The following CDC23 variants were observed in gnomAD, a reference collection of about 807,000 sequenced individuals.
The protein encoded by CDC23 is cell division cycle 23.
A neutral mutation model predicts 81.7 loss-of-function variants in CDC23; 26 were observed. That is an observed-to-expected ratio of 0.32 (90% CI 0.23 to 0.44). The LOEUF (loss-of-function observed/expected upper bound fraction) is 0.44, where lower values mean the gene tolerates loss of function less well. Among genes scored for constraint, CDC23 ranks in the 20% least tolerant of loss-of-function variants. CDC23 has a pLI of 1.00. For synonymous variants in CDC23, 267 were observed against 270.8 expected (o/e 0.99, Z 0.14); for missense variants, 519 against 728.0 (o/e 0.71, Z 3.30).
At chr5:138,212,841 A>T in intron 2 of CDC23, 150 bp downstream of exon 2, 1 of 632,500 alleles carries the variant, frequency 1.6e-6, no homozygotes, top group Non-Finnish European at 2.8e-6. Flanking sequence ...GGATAAAATC[A>T]TTTAAAACAC....
At chr5:138,200,509 A>G (rs1466418461) in intron 6 of CDC23, among the ~76,000 whole-genome samples, 1 of 152,092 alleles carries the variant, frequency 6.6e-6, no homozygotes, top group Non-Finnish European at 1.5e-5. Context: ...AAACTACAAC[A>G]ATATTCAGTC....
At chr5:138,189,267 T>C in intron 15 of CDC23, 119 bp from the exon 16 acceptor site, 1 of 955,094 alleles carries the variant, frequency 1.0e-6, no homozygotes, top group Middle Eastern at 2.2e-4. Flanking sequence ...TGCTTGTTTT[T>C]TTTTTTTGAG....
Position 138,206,624 on chromosome 5 carries a change from A to G in CDC23, c.295T>C (p.Tyr99His). The change falls in exon 3 of 16, where the codon TAT (tyrosine) becomes CAT (histidine). Residue 99 changes from tyrosine to histidine, a missense_variant. By Grantham distance (83) the Tyr-to-His change is moderately conservative (BLOSUM62 2). Transcript: ENST00000394886. ...TGCAGGAAATGTGCTGCCCGATCAT[A>G]CTCTTTAACGTCAAAGTAGGCCTTG... ...LAKAYFDVKE[Y>H]DRAAHFLHGC... 6.2e-7 allele frequency: 1 copy of G among 1,613,946 alleles called. No individual in the cohort carries two copies. The highest frequency in any genetic ancestry group is 8.5e-7 in the Non-Finnish European group (1 of 1,179,942).
intron 13 of CDC23, 43 bp from the exon 14 acceptor site, chr5:138,189,949 G>A: frequency 6.4e-7 from 1 of 1,557,572 alleles, no homozygotes; most frequent in Non-Finnish European, 8.8e-7. Context: ...ATATCCCAAA[G>A]CAACTTAGTG....
chr5:138,195,065 T>A (rs1019805479), intron 9 of CDC23, among the ~76,000 whole-genome samples: 32 of 151,920 alleles, frequency 2.1e-4, no homozygotes, highest in East Asian at 3.9e-4. Flanking sequence ...ATATTTTTTT[T>A]AAAAAGAATG....
rs560303320 is a variant in CDC23, at chr5:138,205,036, T to G, written c.372+1511A>C. ...CTCAAGCGATCCTCCTATCTCAGCC[T>G]CCCAAGTAGCTGGGGCCACAGGCAC... On this transcript the variant is annotated intron_variant, in intron 3 of 15. Transcript: ENST00000394886. Among the ~76,000 whole-genome samples the G allele has an allele frequency of 2.6e-4, 39 of 152,024 alleles. 1 individual carries two copies. Among genetic ancestry groups the G allele is most frequent in the Admixed American group, 1.8e-3 (27 of 15,242 alleles).
rs551237855 is a variant in CDC23, at chr5:138,211,556, G to A, written c.234+1435C>T. Among the ~76,000 whole-genome samples the A allele has an allele frequency of 2.0e-5, 3 of 152,160 alleles. No individual in the cohort carries two copies. The South Asian group carries it at 6.2e-4, about 32-fold the overall frequency. ...CGGGTGCCTGTAATCCGAGCTACTC[G>A]GGAGGTTGAGGCAGGAGAATTGCTT... On this transcript the variant is annotated intron_variant, in intron 2 of 15. Coordinates refer to ENST00000394886, the MANE Select transcript of CDC23 (RefSeq NM_004661.4).
At chr5:138,204,074 AATG>A (rs1755020357) in intron 3 of CDC23, among the ~76,000 whole-genome samples, 1 of 152,246 alleles carries the variant, frequency 6.6e-6, no homozygotes. Context: ...TGGGGTAAAG[AATG>A]ATGATATCTG....
intron 2 of CDC23, among the ~76,000 whole-genome samples, chr5:138,207,183 T>C (rs761847372): frequency 6.6e-6 from 1 of 152,074 alleles, no homozygotes; most frequent in Non-Finnish European, 1.5e-5. Flanking sequence ...CCCGGCCAAG[T>C]TTTTCTTTCT....
At chr5:138,190,391 G>A (rs1754812978) in intron 13 of CDC23, among the ~76,000 whole-genome samples, 1 of 151,600 alleles carries the variant, frequency 6.6e-6, no homozygotes, top group Admixed American at 6.6e-5. Flanking sequence ...TTGGAAGGTG[G>A]AGGTTGCAGT....
Position 138,189,815 on chromosome 5 carries a change from G to C in CDC23, c.1503+13C>G. 1 of 1,613,848 alleles carries C rather than the reference G, an allele frequency of 6.2e-7. No individual in the cohort carries two copies. The highest frequency in any genetic ancestry group is 8.5e-7 in the Non-Finnish European group (1 of 1,179,842). ...TAATATCAGCAGTACAATTCTCATG[G>C]TATGATACATACCCCACAGGAATAG... is the stretch of plus-strand genomic sequence containing the variant. On this transcript the variant is annotated intron_variant, in intron 14 of 15. Coordinates refer to ENST00000394886, the MANE Select transcript of CDC23 (RefSeq NM_004661.4).
intron 9 of CDC23, among the ~76,000 whole-genome samples, chr5:138,196,427 A>G (rs192551126): frequency 8.5e-4 from 128 of 151,002 alleles, no homozygotes; most frequent in Admixed American, 1.6e-3. Context: ...AGTAGCTGGG[A>G]TTACAGGTGC....
chr5:138,198,801 G>C lies in CDC23; in HGVS notation c.655-19C>G. The C allele has an allele frequency of 6.2e-7, 1 of 1,609,772 alleles. No individual in the cohort carries two copies. The highest frequency in any genetic ancestry group is 1.1e-5 in the South Asian group (1 of 90,186). On this transcript the variant is annotated intron_variant, in intron 6 of 15. Coordinates refer to ENST00000394886, the MANE Select transcript of CDC23 (RefSeq NM_004661.4). Reference sequence around the variant, plus strand: ...ACTTCAGCTGGCAGCAGGAGAGAGAGGGACACACTTAATATAACTTGACCT... The same window carrying C: ...ACTTCAGCTGGCAGCAGGAGAGAGACGGACACACTTAATATAACTTGACCT...
In CDC23 at chr5:138,192,334, C is replaced by T; in HGVS notation, c.1221G>A (p.Gln407=). 1 of 1,614,164 alleles carries T rather than the reference C, an allele frequency of 6.2e-7. No homozygotes were observed. The highest frequency in any genetic ancestry group is 1.1e-5 in the South Asian group (1 of 91,082). Residue 407 remains glutamine (Q), a synonymous_variant, in exon 11 of 16, where the codon CAG becomes CAA. Coordinates refer to ENST00000394886, the MANE Select transcript of CDC23 (RefSeq NM_004661.4). The part of the protein sequence containing the change: ...RDYRAWYGLG[Q]TYEILKMPFY... ...ATGGCATCTTAAGGATTTCATAGGT[C>T]TGCCCGAGGCCATACCAAGCTCTGT...
rs879009527 is a variant in CDC23 at position 138,188,699 on chromosome 5, CA to C, written c.*278del. ...CTATAAAAGGGACTTTCTTGGGGGC[CA>C]AAAAAAAAAAGCATTCAGGGAAGAA... On this transcript the variant is annotated 3_prime_UTR_variant, in exon 16 of 16. Coordinates refer to ENST00000394886, the MANE Select transcript of CDC23 (RefSeq NM_004661.4). 16,167 of 211,674 alleles carry C rather than the reference CA, an allele frequency of 0.076. 8 individuals carry two copies. Among genetic ancestry groups the C allele is most frequent in the Middle Eastern group, 0.13 (86 of 682 alleles). The allele number at this position is 211,674 out of a possible 1,614,324, so 13.1% of individuals were successfully genotyped here.
rs1434479795 is a variant in CDC23 at position 138,198,234 on chromosome 5, A to G, written c.977T>C (p.Ile326Thr). The G allele has an allele frequency of 9.3e-6, 15 of 1,613,684 alleles. No individual in the cohort carries two copies. Among genetic ancestry groups the G allele is most frequent in the East Asian group, 2.2e-5 (1 of 44,890 alleles). ...GCACGTTTCTACACGATATTTATCA[A>G]TCTCACAGAGGTTATGAGCCAGATA... ...LSYLAHNLCE[I>T]DKYRVETCCV... The change falls in exon 9 of 16, where the codon ATT (isoleucine) becomes ACT (threonine). Residue 326 changes from isoleucine to threonine, a missense_variant. This residue lies in a region of CDC23 where 175 missense variants were observed against 337.8 expected (regional missense o/e 0.52). Transcript: ENST00000394886.
chr5:138,195,713 AATATATATGTAT>A (rs1754888888), intron 9 of CDC23, among the ~76,000 whole-genome samples: 1 of 64,190 alleles, frequency 1.6e-5, no homozygotes, highest in Non-Finnish European at 3.3e-5. Flanking sequence ...ATATACATAT[AATATATATGTAT>A]ATATATACAT....
Position 138,201,102 on chromosome 5 carries a change from T to C in CDC23, c.654+5A>G. On this transcript the variant is annotated splice_donor_5th_base_variant and intron_variant, in intron 6 of 15. Coordinates refer to ENST00000394886, the MANE Select transcript of CDC23 (RefSeq NM_004661.4). ...GGGTTTTTCACATAGCTCATCACAA[T>C]TTACCATCTCTTTGTCTGTGATCAG... is the stretch of plus-strand genomic sequence containing the variant. The C allele has an allele frequency of 5.0e-6, 8 of 1,613,414 alleles. No individual in the cohort carries two copies. The highest frequency in any genetic ancestry group is 6.8e-6 in the Non-Finnish European group (8 of 1,179,874).
At chr5:138,195,715 TATATATGTATATATATACATATA>T in intron 9 of CDC23, among the ~76,000 whole-genome samples, 1 of 64,066 alleles carries the variant, frequency 1.6e-5, no homozygotes, top group Admixed American at 2.2e-4. Context: ...ATACATATAA[TATATATGTATATATATACATATA>T]ATATATATGT....
Sources: gnomAD v4.1 joint callset for allele counts (sites outside exome capture counted in the v4.1 genomes callset) on GRCh38, gnomAD v4.1.1 for gene constraint, gnomAD v4.1.1 regional missense constraint, MANE v1.5 for transcripts, NCBI Gene and HGNC (gene_info 2026-07-23, HGNC 2026-07-21) for gene names.